Variants in KAZN observed in about 807,000 individuals in gnomAD.
KAZN encodes the protein kazrin.
A neutral mutation model predicts 87.4 loss-of-function variants in KAZN; 40 were observed. The observed-to-expected ratio is 0.46, with a 90% CI of 0.36 to 0.60. KAZN has a LOEUF of 0.60. KAZN is among the 20% of genes least tolerant of loss of function. The pLI is 0.00. For synonymous variants in KAZN, 466 were observed against 458.3 expected (o/e 1.02, Z -0.22); for missense variants, 898 against 1,073.9 (o/e 0.84, Z 2.29).
intron 2 of KAZN, among the ~76,000 whole-genome samples, chr1:15,030,553 G>A (rs1416816630): frequency 6.6e-6 from 1 of 152,184 alleles, no homozygotes; most frequent in Non-Finnish European, 1.5e-5. Flanking sequence ...GAGCCACCGC[G>A]CCTGGTCATA....
chr1:14,762,861 C>CAATAAT (rs149085367), intron 1 of KAZN, among the ~76,000 whole-genome samples: 1 of 151,760 alleles, frequency 6.6e-6, no homozygotes, highest in East Asian at 1.9e-4. Context: ...CTGATGGCAA[C>CAATAAT]AATAATAATA....
intron 2 of KAZN, among the ~76,000 whole-genome samples, chr1:14,259,967 T>G (rs1315019330): frequency 6.6e-6 from 1 of 152,168 alleles, no homozygotes; most frequent in Non-Finnish European, 1.5e-5. Flanking sequence ...CGCAAGCGGA[T>G]TTTTCTTTTG....
intron 1 of KAZN, among the ~76,000 whole-genome samples, chr1:13,902,375 G>A (rs887488826): frequency 1.3e-5 from 2 of 152,198 alleles, no homozygotes; most frequent in Non-Finnish European, 2.9e-5. Context: ...TATATACTTA[G>A]CATTTAGAGT....
At chr1:14,732,967 T>C (rs185763577) in intron 1 of KAZN, among the ~76,000 whole-genome samples, 83 of 152,240 alleles carry the variant, frequency 5.5e-4, no homozygotes, top group African/African-American at 1.9e-3. Context: ...TCTTCCCTCC[T>C]TCCCCTATGT....
At chr1:14,307,410 A>G (rs1025521016) in intron 2 of KAZN, among the ~76,000 whole-genome samples, 1 of 152,210 alleles carries the variant, frequency 6.6e-6, no homozygotes, top group Non-Finnish European at 1.5e-5. Flanking sequence ...TCACACAGCT[A>G]TGGTGGACAC....
chr1:14,456,625 A>G (rs1373198371), intron 2 of KAZN, among the ~76,000 whole-genome samples: 1 of 152,224 alleles, frequency 6.6e-6, no homozygotes, highest in Admixed American at 6.5e-5. Flanking sequence ...AATATCTGCA[A>G]AATATTACAT....
rs1159573243 is a variant in KAZN, at chr1:14,184,495, C to T, written c.249+3903C>T. Among the ~76,000 whole-genome samples the T allele has an allele frequency of 6.6e-6, 1 of 152,160 alleles. No homozygotes were observed. Among genetic ancestry groups the T allele is most frequent in the Non-Finnish European group, 1.5e-5 (1 of 68,038 alleles). On this transcript the variant is annotated intron_variant, in intron 2 of 16. Coordinates refer to the KAZN transcript ENST00000636203. This position sits in a 1 kb window ranked among gnomAD's most constrained non-coding sequence, Gnocchi z 4.2. ...CACATTTGCCAAAAGCCTATATTCC[C>T]CCTTGCCAAGCAAGAGCGGAAGCAG...
chr1:14,048,029 A>C (rs892768763), intron 1 of KAZN, among the ~76,000 whole-genome samples: 1 of 152,174 alleles, frequency 6.6e-6, no homozygotes, highest in Non-Finnish European at 1.5e-5. Context: ...CCCAGTGGCT[A>C]AGGGTTTAGG....
At chr1:13,894,575 CA>C (rs1207412803) in intron 1 of KAZN, among the ~76,000 whole-genome samples, 4 of 152,158 alleles carry the variant, frequency 2.6e-5, no homozygotes, top group Admixed American at 2.6e-4. Flanking sequence ...CACATTCCTC[CA>C]ATGTTTTCCT....
At chr1:13,981,822 G>A (rs1047314137) in intron 1 of KAZN, among the ~76,000 whole-genome samples, 3 of 152,182 alleles carry the variant, frequency 2.0e-5, no homozygotes, top group African/African-American at 7.2e-5. Context: ...TGCTTTTACA[G>A]ACCCTAGAAG....
At chr1:14,583,274 G>T (rs1675663078) in intron 2 of KAZN, among the ~76,000 whole-genome samples, 1 of 152,318 alleles carries the variant, frequency 6.6e-6, no homozygotes, top group East Asian at 1.9e-4. Context: ...GCCTCTTGTA[G>T]GTGTATGCTT....
At chr1:14,505,043 T>C (rs1414097337) in intron 2 of KAZN, among the ~76,000 whole-genome samples, 1 of 152,172 alleles carries the variant, frequency 6.6e-6, no homozygotes, top group Admixed American at 6.5e-5. Context: ...TAGGGATGCC[T>C]TCTACTTCCT....
At chr1:14,470,576 T>G (rs1668402363) in intron 2 of KAZN, among the ~76,000 whole-genome samples, 1 of 152,202 alleles carries the variant, frequency 6.6e-6, no homozygotes, top group Non-Finnish European at 1.5e-5. Context: ...GCCAACAATT[T>G]GGACCCTATG....
At chr1:14,304,385 C>T (rs1654774199) in intron 2 of KAZN, among the ~76,000 whole-genome samples, 2 of 152,102 alleles carry the variant, frequency 1.3e-5, no homozygotes, top group African/African-American at 4.8e-5. Context: ...AAGGACTTAC[C>T]CCAGCTTAGA....
chr1:15,013,240 G>A (rs1669755393), intron 2 of KAZN, among the ~76,000 whole-genome samples: 1 of 152,184 alleles, frequency 6.6e-6, no homozygotes, highest in Non-Finnish European at 1.5e-5. Context: ...CCTTCTGTAT[G>A]CCAGACCCTC....
rs545844329 is a variant in KAZN, at chr1:14,145,997, T to C, written c.92-34438T>C. ...CTGAATTTATGGTATTCTAATATTT[T>C]TTCTCAAACTGTCATATCACTTGAT... is the stretch of plus-strand genomic sequence containing the variant. On this transcript the variant is annotated intron_variant, in intron 1 of 16. Coordinates refer to the KAZN transcript ENST00000636203. Among the ~76,000 whole-genome samples the C allele has an allele frequency of 6.6e-5, 10 of 152,356 alleles. No individual in the cohort carries two copies. The South Asian group carries it at 2.1e-3, about 32-fold the overall frequency.
intron 1 of KAZN, among the ~76,000 whole-genome samples, chr1:14,759,147 G>T (rs566702064): frequency 1.3e-5 from 2 of 152,294 alleles, no homozygotes; most frequent in South Asian, 4.1e-4. Context: ...AAAAATCCGT[G>T]GGGGAGGGGC....
At chr1:14,044,279 C>T (rs1187417722) in intron 1 of KAZN, among the ~76,000 whole-genome samples, 2 of 151,988 alleles carry the variant, frequency 1.3e-5, no homozygotes, top group Admixed American at 6.6e-5. Context: ...CTTTTAGAAT[C>T]ATTTTCTAAA....
At chr1:14,755,874 G>A (rs770928603) in intron 1 of KAZN, among the ~76,000 whole-genome samples, 24 of 152,196 alleles carry the variant, frequency 1.6e-4, no homozygotes, top group Non-Finnish European at 2.8e-4. Flanking sequence ...GGCACACAAA[G>A]CCACCTCTTG....
Sources: allele counts gnomAD v4.1 joint callset (sites outside exome capture counted in the v4.1 genomes callset), GRCh38; gene constraint gnomAD v4.1.1; non-coding constraint Gnocchi (gnomAD v3.1); transcripts MANE v1.5; gene names NCBI Gene and HGNC (gene_info 2026-07-23, HGNC 2026-07-21).